ESR2: variants seen among roughly 807,000 people sequenced by gnomAD.
ESR2 encodes the protein estrogen receptor beta.
In ESR2, 36 loss-of-function variants were observed where a neutral mutation model predicts 49.6. The observed-to-expected ratio is 0.73, with a 90% CI of 0.56 to 0.96. The LOEUF is 0.96. ESR2 is among the 40% of genes least tolerant of loss of function. The pLI is 0.00. For synonymous variants in ESR2, 320 were observed against 266.1 expected (o/e 1.20, Z -1.97); for missense variants, 714 against 693.0 (o/e 1.03, Z -0.34).
intron 1 of ESR2, among the ~76,000 whole-genome samples, chr14:64,324,361 A>AT (rs1182892846): frequency 6.6e-6 from 1 of 152,174 alleles, no homozygotes; most frequent in East Asian, 1.9e-4. Flanking sequence ...AACTCTAAGG[A>AT]TTTTTCCCCC....
At chr14:64,266,957 T>C (rs1487230104) in intron 4 of ESR2, among the ~76,000 whole-genome samples, 3 of 152,208 alleles carry the variant, frequency 2.0e-5, no homozygotes, top group Non-Finnish European at 4.4e-5. Flanking sequence ...CTCGGCTCAC[T>C]GCAAGCTCCA....
At chr14:64,288,419 G>A (rs1272589000) in intron 1 of ESR2, among the ~76,000 whole-genome samples, 1 of 149,400 alleles carries the variant, frequency 6.7e-6, no homozygotes, top group African/African-American at 2.5e-5. Flanking sequence ...TGCAATCTTG[G>A]CTCACTGCAA....
chr14:64,285,855 G>GA (rs1178178602), intron 1 of ESR2, among the ~76,000 whole-genome samples: 7 of 140,476 alleles, frequency 5.0e-5, no homozygotes, highest in Admixed American at 1.4e-4. Context: ...AAAAGAAAAA[G>GA]AAAAAAAAAA....
At chr14:64,303,891 G>A (rs1199307063) in intron 1 of ESR2, among the ~76,000 whole-genome samples, 1 of 152,198 alleles carries the variant, frequency 6.6e-6, no homozygotes, top group Non-Finnish European at 1.5e-5. Context: ...AAGATACATT[G>A]AGAAGAAAAT....
At chr14:64,227,660 T>C (rs775089848), downstream of ESR2, 1 of 1,613,480 alleles carries the variant, frequency 6.2e-7, no homozygotes, top group Non-Finnish European at 8.5e-7. Context: ...TGAAAGGAAG[T>C]GTGGTCTGCA....
At chr14:64,311,500 T>C (rs932686258) in intron 1 of ESR2, among the ~76,000 whole-genome samples, 2 of 151,414 alleles carry the variant, frequency 1.3e-5, no homozygotes, top group African/African-American at 4.9e-5. Context: ...ATGAGCCAGG[T>C]GTGGTGGTGT....
chr14:64,299,641 C>A (rs559793602), intron 1 of ESR2, among the ~76,000 whole-genome samples: 1 of 152,114 alleles, frequency 6.6e-6, no homozygotes, highest in Non-Finnish European at 1.5e-5. Flanking sequence ...GGATTACAGG[C>A]GTCAGCCACC....
intron 8 of ESR2, 127 bp from the exon 9 acceptor site, chr14:64,233,450 AT>A: frequency 1.2e-6 from 1 of 861,624 alleles, no homozygotes; most frequent in Non-Finnish European, 1.8e-6. Flanking sequence ...CCCCCAGCCC[AT>A]TTATCCATGG....
rs2140819902 is a variant in ESR2 at position 64,282,717 on chromosome 14, A to G, written c.269T>C (p.Val90Ala). 2 of 1,614,238 alleles carry G rather than the reference A, an allele frequency of 1.2e-6. No homozygotes were observed. Among genetic ancestry groups the G allele is most frequent in the Non-Finnish European group, 1.7e-6 (2 of 1,180,034 alleles). ...CAGATGTGATAACTGGCGATGGACC[A>G]CTAAAGGAGAAAGGTGCCCAGGTGT... The part of the protein sequence containing the change: ...WPTPGHLSPL[V>A]VHRQLSHLYA... The change falls in exon 2 of 9, where the codon GTG (valine) becomes GCG (alanine). Residue 90 changes from valine to alanine, a missense_variant. Val to Ala is a moderately conservative substitution (Grantham distance 64, BLOSUM62 0). Transcript: ENST00000341099.
intron 7 of ESR2, among the ~76,000 whole-genome samples, chr14:64,238,776 A>C (rs901268746): frequency 1.3e-5 from 2 of 151,982 alleles, no homozygotes; most frequent in South Asian, 2.1e-4. Flanking sequence ...AACAAAAAAA[A>C]CCAAGATCTT....
chr14:64,239,430 T>C (rs947255962), intron 7 of ESR2, among the ~76,000 whole-genome samples: 15 of 152,388 alleles, frequency 9.8e-5, no homozygotes, highest in Admixed American at 3.3e-4. Flanking sequence ...TTAACCCCTC[T>C]ATTTCTTTCA....
At chr14:64,322,789 C>T (rs942162892) in intron 1 of ESR2, among the ~76,000 whole-genome samples, 3 of 151,906 alleles carry the variant, frequency 2.0e-5, no homozygotes, top group African/African-American at 4.8e-5. Flanking sequence ...TCAATTAATC[C>T]CCTAGCAACA....
chr14:64,327,747 T>TAA (rs2077407317), intron 1 of ESR2, among the ~76,000 whole-genome samples: 1 of 151,298 alleles, frequency 6.6e-6, no homozygotes, highest in Non-Finnish European at 1.5e-5. Flanking sequence ...CATGTGCCCA[T>TAA]AATTCCAGCT....
intron 1 of ESR2, chr14:64,337,873 G>C (rs1160803187): frequency 6.6e-6 from 1 of 152,202 alleles, no homozygotes; most frequent in African/African-American, 2.4e-5. Context: ...ATCTGGTCAA[G>C]TCCTAAGTGA....
intron 2 of ESR2, 146 bp downstream of exon 2, chr14:64,282,478 G>T: frequency 1.3e-6 from 1 of 782,484 alleles, no homozygotes; most frequent in South Asian, 1.9e-5. Context: ...AATAGAACAG[G>T]GCATCCTGTG....
chr14:64,242,450 A>AT (rs1157549744), intron 7 of ESR2, among the ~76,000 whole-genome samples: 52 of 145,752 alleles, frequency 3.6e-4, no homozygotes, highest in Middle Eastern at 3.5e-3. Context: ...CAAACAAAAA[A>AT]AATATATATA....
At chr14:64,323,032 T>G (rs2077343684) in intron 1 of ESR2, among the ~76,000 whole-genome samples, 1 of 152,244 alleles carries the variant, frequency 6.6e-6, no homozygotes, top group African/African-American at 2.4e-5. Flanking sequence ...ATATTTTTAT[T>G]AGAATGATCT....
intron 1 of ESR2, among the ~76,000 whole-genome samples, chr14:64,313,630 C>G (rs181256352): frequency 1.3e-5 from 2 of 151,612 alleles, no homozygotes; most frequent in African/African-American, 4.8e-5. Flanking sequence ...TGGCTCACGC[C>G]TGTAATCCCA....
At chr14:64,305,094 A>G (rs770935947) in intron 1 of ESR2, among the ~76,000 whole-genome samples, 4 of 146,472 alleles carry the variant, frequency 2.7e-5, no homozygotes, top group African/African-American at 1.0e-4. Flanking sequence ...ATCGAGACCA[A>G]CCTGGCTAAC....
Sources: gnomAD v4.1 joint callset for allele counts (sites outside exome capture counted in the v4.1 genomes callset) on GRCh38, gnomAD v4.1.1 for gene constraint, MANE v1.5 for transcripts, NCBI Gene and HGNC (gene_info 2026-07-23, HGNC 2026-07-21) for gene names.